Variants in ABL2 observed in about 807,000 individuals in gnomAD.
The protein encoded by ABL2 is ABL proto-oncogene 2, non-receptor tyrosine kinase.
ABL2 carries 49 observed loss-of-function variants against 107.7 expected under a neutral mutation model. The observed-to-expected ratio is 0.45, with a 90% CI of 0.36 to 0.58. The LOEUF is 0.58. Ranked by LOEUF, ABL2 falls within the 20% of genes least tolerant of loss-of-function variation. The pLI is 0.00. For synonymous variants in ABL2, 549 were observed against 548.6 expected, an observed-to-expected ratio of 1.00 and a Z score of -0.01; for missense variants, 1,245 against 1,457.0, an observed-to-expected ratio of 0.85 and a Z score of 2.37.
At chr1:179,204,136 C>A (rs987315982) in intron 1 of ABL2, among the ~76,000 whole-genome samples, 4 of 152,078 alleles carry the variant, frequency 2.6e-5, no homozygotes, top group African/African-American at 9.7e-5. Context: ...AAGCAATTCC[C>A]CTACCTCAGC....
At chr1:179,118,872 T>A in intron 6 of ABL2, 108 bp from the exon 7 acceptor site, 1 of 1,159,336 alleles carries the variant, frequency 8.6e-7, no homozygotes, top group Non-Finnish European at 1.2e-6. Context: ...TCGGCAATAA[T>A]CTTTTCCCTT....
At chr1:179,140,881 C>T (rs760910784) in intron 1 of ABL2, among the ~76,000 whole-genome samples, 54 of 152,066 alleles carry the variant, frequency 3.6e-4, no homozygotes, top group South Asian at 1.7e-3. Context: ...TGGTGGCTAG[C>T]GTCTGTAATC....
At chr1:179,186,670 T>C (rs1660700437) in intron 1 of ABL2, among the ~76,000 whole-genome samples, 1 of 151,870 alleles carries the variant, frequency 6.6e-6, no homozygotes, top group Admixed American at 6.6e-5. Flanking sequence ...CCAGCAAATA[T>C]TTATTTAAAG....
At chr1:179,127,385 C>T (rs1256210352) in intron 3 of ABL2, among the ~76,000 whole-genome samples, 1 of 152,044 alleles carries the variant, frequency 6.6e-6, no homozygotes, top group African/African-American at 2.4e-5. Context: ...CTTTCCATTC[C>T]ACATTAAAAT....
intron 1 of ABL2, among the ~76,000 whole-genome samples, chr1:179,198,523 G>A (rs568950645): frequency 6.6e-5 from 10 of 151,424 alleles, no homozygotes; most frequent in South Asian, 2.1e-4. Flanking sequence ...TGAAACCCCC[G>A]TCTCTACTAA....
intron 1 of ABL2, among the ~76,000 whole-genome samples, chr1:179,136,390 C>T (rs888032098): frequency 2.7e-4 from 41 of 152,152 alleles, no homozygotes; most frequent in African/African-American, 9.9e-4. Context: ...CCTTGGGATC[C>T]TGTTGATCGG....
intron 1 of ABL2, among the ~76,000 whole-genome samples, chr1:179,160,456 T>G (rs889553002): frequency 6.6e-6 from 1 of 152,054 alleles, no homozygotes; most frequent in East Asian, 1.9e-4. Flanking sequence ...TTCCAAACTT[T>G]TGGAACAAAT....
chr1:179,219,116 C>T (rs1662737111), intron 1 of ABL2, among the ~76,000 whole-genome samples: 1 of 152,192 alleles, frequency 6.6e-6, no homozygotes, highest in African/African-American at 2.4e-5. Context: ...GATTATGGCT[C>T]ACTGCAGCCT....
At chr1:179,148,671 G>A (rs1419515406) in intron 1 of ABL2, among the ~76,000 whole-genome samples, 2 of 152,142 alleles carry the variant, frequency 1.3e-5, no homozygotes, top group Non-Finnish European at 2.9e-5. Flanking sequence ...TGAGGCCGAG[G>A]TGGACAGATC....
chr1:179,128,296 G>A (rs1259273212), intron 3 of ABL2, among the ~76,000 whole-genome samples: 1 of 151,780 alleles, frequency 6.6e-6, no homozygotes, highest in Non-Finnish European at 1.5e-5. Context: ...GTGTAGCGGT[G>A]GATATGCATA....
chr1:179,181,338 T>C (rs563751810), intron 1 of ABL2, among the ~76,000 whole-genome samples: 1 of 152,318 alleles, frequency 6.6e-6, no homozygotes, highest in East Asian at 1.9e-4. Context: ...CAACTTGAGA[T>C]TGCAATCTAG....
intron 1 of ABL2, among the ~76,000 whole-genome samples, chr1:179,146,228 T>C (rs764039301): frequency 3.3e-5 from 5 of 152,092 alleles, no homozygotes; most frequent in Non-Finnish European, 5.9e-5. Context: ...TGGCTTAGAA[T>C]AGGATGGTGG....
intron 1 of ABL2, 74 bp downstream of exon 1, chr1:179,229,167 T>TGCCCC: frequency 3.2e-5 from 13 of 402,560 alleles, no homozygotes; most frequent in East Asian, 6.5e-5. Flanking sequence ...GGGCAGCCCG[T>TGCCCC]CCGCCACCCA....
chr1:179,110,936 G>T, intron 10 of ABL2: 1 of 1,542,376 alleles, frequency 6.5e-7, no homozygotes, highest in Non-Finnish European at 8.9e-7. Context: ...TGAAAGCTGT[G>T]GTTACTCTGC....
chr1:179,126,781 A>C lies in ABL2; in HGVS notation c.392-109T>G. 8.5e-7 allele frequency: 1 copy of C among 1,177,360 alleles called. No individual in the cohort carries two copies. The highest frequency in any genetic ancestry group is 1.2e-6 in the Non-Finnish European group (1 of 866,614). The allele number at this position is 1,177,360 out of a possible 1,614,324, so 72.9% of individuals were successfully genotyped here. A position where few individuals can be genotyped will look rare whatever the true frequency, so the allele number is the denominator to read the frequency against. On this transcript the variant is annotated intron_variant, in intron 3 of 11. Transcript: ENST00000502732. This position sits in a 1 kb window ranked among gnomAD's most constrained non-coding sequence, Gnocchi z 4.4. The stretch of plus-strand genomic sequence containing the variant: ...TCATTAAAAAAAAAAAAGAATCTAG[A>C]ACTTTTATGCCAAATTTTTTTTTTA...
At position 179,145,650 on chromosome 1, in the gene ABL2, G is replaced by A. The variant is rs558733758; in HGVS notation, c.158-12276C>T. 5.3e-5 allele frequency among the ~76,000 whole-genome samples: 8 copies of A among 152,242 alleles called. No individual in the cohort carries two copies. In the East Asian group the frequency reaches 7.7e-4, roughly 15 times the overall value. Reference sequence around the variant, plus strand: ...AATCTAAGCAAAGATGAGGAGGAGCGGGGGCATTCTGAGTAGACAATGTAG... The same window carrying A: ...AATCTAAGCAAAGATGAGGAGGAGCAGGGGCATTCTGAGTAGACAATGTAG... On this transcript the variant is annotated intron_variant, in intron 1 of 11. Transcript: ENST00000502732.
intron 1 of ABL2, among the ~76,000 whole-genome samples, chr1:179,173,201 AAAC>A (rs1366666242): frequency 3.5e-4 from 53 of 151,590 alleles, no homozygotes; most frequent in Middle Eastern, 3.4e-3. Flanking sequence ...AAAAAAAAAA[AAAC>A]AACAACAGAA....
At chr1:179,226,043 C>CAAAAAAA (rs1194438803) in intron 1 of ABL2, among the ~76,000 whole-genome samples, 2 of 45,690 alleles carry the variant, frequency 4.4e-5, no homozygotes, top group Non-Finnish European at 7.5e-5. Context: ...GACTCCGCCT[C>CAAAAAAA]AAAAAAAAAA....
In ABL2 at chr1:179,136,138, G is replaced by A. The variant is rs571999370; in HGVS notation, c.158-2764C>T. Among the ~76,000 whole-genome samples, 1,299 of 150,318 alleles carry A rather than the reference G, an allele frequency of 8.6e-3. 31 individuals carry two copies. The highest frequency in any genetic ancestry group is 0.031 in the African/African-American group (1,258 of 40,880). ...CCACCCCGTCCGGGAGGTGAGGGGC[G>A]CCTCTGCCCGGCTGCCCCTACTGGG... On this transcript the variant is annotated intron_variant, in intron 1 of 11. Transcript: ENST00000502732.
Sources: gnomAD v4.1 joint callset for allele counts (sites outside exome capture counted in the v4.1 genomes callset) on GRCh38, gnomAD v4.1.1 for gene constraint, Gnocchi (gnomAD v3.1) non-coding constraint, MANE v1.5 for transcripts, NCBI Gene and HGNC (gene_info 2026-07-23, HGNC 2026-07-21) for gene names.